ZMYM4: variants seen among roughly 807,000 people sequenced by gnomAD.
The protein encoded by ZMYM4 is zinc finger MYM-type protein 4.
ZMYM4 carries 31 observed loss-of-function variants against 183.2 expected under a neutral mutation model. The observed-to-expected ratio is 0.17, with a 90% CI of 0.13 to 0.23. The LOEUF is 0.23. Among genes scored for constraint, ZMYM4 ranks in the 10% least tolerant of loss-of-function variants. The pLI, the probability that ZMYM4 is intolerant of heterozygous loss-of-function variation, is 1.00. For synonymous variants in ZMYM4, 592 were observed against 631.2 expected, an observed-to-expected ratio of 0.94 and a Z score of 0.93; for missense variants, 1,273 against 1,840.3, an observed-to-expected ratio of 0.69 and a Z score of 5.64.
intron 22 of ZMYM4, 152 bp from the exon 23 acceptor site, chr1:35,399,330 C>T (rs1469086802): frequency 3.8e-6 from 3 of 785,944 alleles, no homozygotes; most frequent in Middle Eastern, 2.5e-4. Context: ...GCACTATATC[C>T]TTGGTTTAAG....
At chr1:35,347,744 G>C (rs953907691) in intron 2 of ZMYM4, among the ~76,000 whole-genome samples, 3 of 151,862 alleles carry the variant, frequency 2.0e-5, no homozygotes, top group African/African-American at 7.3e-5. Flanking sequence ...TAAAGATTGG[G>C]GTATAGTTGG....
intron 28 of ZMYM4, 151 bp from the exon 29 acceptor site, chr1:35,418,292 A>C: frequency 1.3e-6 from 1 of 767,270 alleles, no homozygotes; most frequent in South Asian, 2.0e-5. Context: ...TGGCACCTTC[A>C]TAGGCACTCA....
intron 1 of ZMYM4, among the ~76,000 whole-genome samples, chr1:35,297,099 C>T (rs1346275634): frequency 6.6e-6 from 1 of 151,962 alleles, no homozygotes; most frequent in East Asian, 1.9e-4. Flanking sequence ...ATCCACCTGC[C>T]CTGGCCTTCC....
intron 7 of ZMYM4, among the ~76,000 whole-genome samples, chr1:35,375,814 G>A (rs542060168): frequency 6.6e-6 from 1 of 152,300 alleles, no homozygotes; most frequent in East Asian, 1.9e-4. Flanking sequence ...AGTGGCTCAT[G>A]CCTGTAATCC....
chr1:35,381,785 T>C lies in ZMYM4; in HGVS notation c.1569+27T>C, dbSNP rs748397718. On this transcript the variant is annotated intron_variant, in intron 9 of 29. Coordinates refer to ENST00000314607, the MANE Select transcript of ZMYM4 (RefSeq NM_005095.3). Reference sequence around the variant, plus strand: ...TACATGACCATATTTAATCTTGATGTCTTTGTTCAGTTCAGGTAATCTGTA... The same window carrying C: ...TACATGACCATATTTAATCTTGATGCCTTTGTTCAGTTCAGGTAATCTGTA... The C allele has an allele frequency of 4.4e-6, 7 of 1,608,070 alleles. No homozygotes were observed. In the East Asian group the frequency reaches 1.6e-4, roughly 36 times the overall value.
At chr1:35,371,591 G>A (rs1160681731) in intron 7 of ZMYM4, among the ~76,000 whole-genome samples, 2 of 152,158 alleles carry the variant, frequency 1.3e-5, no homozygotes, top group African/African-American at 2.4e-5. Flanking sequence ...GTCAGAAAAA[G>A]AGGAATAATG....
intron 1 of ZMYM4, among the ~76,000 whole-genome samples, chr1:35,296,416 G>A (rs929999585): frequency 1.3e-5 from 2 of 152,150 alleles, no homozygotes; most frequent in African/African-American, 4.8e-5. Flanking sequence ...CATGCACCTC[G>A]TATCAGTAAA....
Position 35,408,093 on chromosome 1 carries a change from G to A in ZMYM4, c.3882G>A (p.Val1294=). 1 of 1,614,216 alleles carries A rather than the reference G, an allele frequency of 6.2e-7. No homozygotes were observed. The highest frequency in any genetic ancestry group is 8.5e-7 in the Non-Finnish European group (1 of 1,180,036). The change falls in exon 26 of 30, where the codon GTG becomes GTA. Residue 1294 remains valine (V), a synonymous_variant. Coordinates refer to ENST00000314607, the MANE Select transcript of ZMYM4 (RefSeq NM_005095.3). ...SLGLCQFIQE[V]RRPNGEKYDP... is the part of the protein sequence containing the mutation. ...GCTTATGCCAGTTTATCCAAGAGGTGCGGAGACCAAATGGTGAAAAATATG... is the reference window on the plus strand; with the variant it reads ...GCTTATGCCAGTTTATCCAAGAGGTACGGAGACCAAATGGTGAAAAATATG...
chr1:35,346,077 T>G (rs1490120853), intron 2 of ZMYM4, among the ~76,000 whole-genome samples: 1 of 152,376 alleles, frequency 6.6e-6, no homozygotes, highest in East Asian at 1.9e-4. Flanking sequence ...GCATAATGTC[T>G]GCAAAGTTCA....
At chr1:35,330,647 A>C (rs1452109553) in intron 2 of ZMYM4, among the ~76,000 whole-genome samples, 1 of 152,172 alleles carries the variant, frequency 6.6e-6, no homozygotes, top group Non-Finnish European at 1.5e-5. Context: ...AAAGGGAGAG[A>C]ATTGTTATTG....
At chr1:35,296,855 T>C (rs1298178444) in intron 1 of ZMYM4, among the ~76,000 whole-genome samples, 2 of 142,990 alleles carry the variant, frequency 1.4e-5, no homozygotes, top group East Asian at 2.0e-4. Context: ...TTTTTTTTTT[T>C]TTTTTTTTTT....
intron 23 of ZMYM4, among the ~76,000 whole-genome samples, chr1:35,404,092 C>A (rs527936100): frequency 6.6e-6 from 1 of 152,214 alleles, no homozygotes; most frequent in South Asian, 2.1e-4. Context: ...TAGACAGGGT[C>A]TCCACTCAGT....
intron 18 of ZMYM4, among the ~76,000 whole-genome samples, chr1:35,394,902 C>G (rs1016448882): frequency 6.6e-6 from 1 of 151,962 alleles, no homozygotes; most frequent in Non-Finnish European, 1.5e-5. Context: ...TCACTTGAGC[C>G]CAAGAGTTCA....
In ZMYM4 at chr1:35,359,083, A is replaced by C; in HGVS notation, c.244A>C (p.Ile82Leu). ...TTTGAACTCTGGGGATCTTGCAGGA[A>C]TTCCAGTCGTTGGTAGTGACAATGA... Reference protein sequence around the residue: ...YFLNSGDLAGIPVVGSDNEDE... With the variant: ...YFLNSGDLAGLPVVGSDNEDE... The change falls in exon 3 of 30, where the codon ATT becomes CTT. Residue 82 changes from isoleucine to leucine, a missense_variant. This residue lies in a region of ZMYM4 where 384 missense variants were observed against 465.6 expected (regional missense o/e 0.82). Coordinates refer to ENST00000314607, the MANE Select transcript of ZMYM4 (RefSeq NM_005095.3). 6.2e-7 allele frequency: 1 copy of C among 1,613,804 alleles called. No individual in the cohort carries two copies. Among genetic ancestry groups the C allele is most frequent in the Non-Finnish European group, 8.5e-7 (1 of 1,179,746 alleles).
At chr1:35,301,506 A>T (rs886146140) in intron 1 of ZMYM4, among the ~76,000 whole-genome samples, 2 of 150,854 alleles carry the variant, frequency 1.3e-5, no homozygotes, top group Non-Finnish European at 2.9e-5. Context: ...AGGTCATGCC[A>T]CTGTACTCCA....
At chr1:35,364,902 C>A (rs1644032165) in intron 5 of ZMYM4, among the ~76,000 whole-genome samples, 1 of 152,114 alleles carries the variant, frequency 6.6e-6, no homozygotes, top group African/African-American at 2.4e-5. Context: ...TTCCTCTACC[C>A]ATTTGCTCTT....
At chr1:35,316,987 T>C (rs1642073158) in intron 1 of ZMYM4, among the ~76,000 whole-genome samples, 1 of 148,436 alleles carries the variant, frequency 6.7e-6, no homozygotes, top group Admixed American at 6.8e-5. Context: ...CTGGGCATGG[T>C]GGCAGGCGTC....
At chr1:35,371,522 T>C (rs1053283463) in intron 7 of ZMYM4, among the ~76,000 whole-genome samples, 1 of 152,234 alleles carries the variant, frequency 6.6e-6, no homozygotes, top group Admixed American at 6.5e-5. Flanking sequence ...GTCATCCTGA[T>C]ATATTTGAGG....
chr1:35,375,843 A>G (rs1038981408), intron 7 of ZMYM4, among the ~76,000 whole-genome samples: 1 of 152,222 alleles, frequency 6.6e-6, no homozygotes, highest in African/African-American at 2.4e-5. Flanking sequence ...TAGGAAGCCA[A>G]CATTGGAGGA....
Sources: gnomAD v4.1 joint callset for allele counts (sites outside exome capture counted in the v4.1 genomes callset) on GRCh38, gnomAD v4.1.1 for gene constraint, gnomAD v4.1.1 regional missense constraint, MANE v1.5 for transcripts, NCBI Gene and HGNC (gene_info 2026-07-23, HGNC 2026-07-21) for gene names.